TMEM183A: variants seen among roughly 807,000 people sequenced by gnomAD.
TMEM183A encodes transmembrane protein 183A.
A neutral mutation model predicts 46.7 loss-of-function variants in TMEM183A; 21 were observed. The ratio of observed to expected loss-of-function variants is 0.45; its 90% CI spans 0.32 to 0.65. The LOEUF is 0.65. Among genes scored for constraint, TMEM183A ranks in the 30% least tolerant of loss-of-function variants. The probability of loss-of-function intolerance (pLI) is 0.04; values close to 1 mark genes in which losing one functional copy is unlikely to be tolerated. For synonymous variants in TMEM183A, 165 were observed against 180.2 expected (o/e 0.92, Z 0.68); for missense variants, 331 against 481.9 (o/e 0.69, Z 2.93).
chr1:203,020,574 C>T (rs1231564840), intron 6 of TMEM183A, among the ~76,000 whole-genome samples: 1 of 152,142 alleles, frequency 6.6e-6, no homozygotes, highest in Non-Finnish European at 1.5e-5. Flanking sequence ...ACCATCTAAA[C>T]GAAGCATAAA....
chr1:203,011,792 G>A (rs1656619218), intron 3 of TMEM183A, among the ~76,000 whole-genome samples: 1 of 151,470 alleles, frequency 6.6e-6, no homozygotes, highest in African/African-American at 2.4e-5. Flanking sequence ...TGGCTTACAG[G>A]CACTTAACCA....
Position 203,014,816 on chromosome 1 carries a change from G to T in TMEM183A, c.368-73G>T, listed in dbSNP as rs149155170. ...TTTCTTAACTGTGCAATCAATCCTT[G>T]GGAGAAATGAAATTATCGAGTATCT... On this transcript the variant is annotated intron_variant, in intron 3 of 7. Coordinates refer to ENST00000367242, the MANE Select transcript of TMEM183A (RefSeq NM_138391.6). 3.2e-6 allele frequency: 5 copies of T among 1,570,084 alleles called. No individual in the cohort carries two copies. In the Admixed American group the frequency reaches 7.3e-5, roughly 23 times the overall value.
Position 203,020,828 on chromosome 1 carries a change from G to A in TMEM183A, c.825G>A (p.Leu275=), listed in dbSNP as rs201690897. The change falls in exon 7 of 8, where the codon TTG becomes TTA. Residue 275 remains leucine (L), a synonymous_variant. Transcript: ENST00000367242. The part of the protein sequence containing the change: ...PRLKSKCTGG[L]QPPVQYEDVH... Reference sequence around the variant, plus strand: ...TAAAGAGCAAGTGTACAGGAGGATTGCAGCCTCCCGTTCAGTACGAAGATG... The same window carrying A: ...TAAAGAGCAAGTGTACAGGAGGATTACAGCCTCCCGTTCAGTACGAAGATG... 2.5e-6 allele frequency: 4 copies of A among 1,613,950 alleles called. No homozygotes were observed. The East Asian group carries it at 8.9e-5, about 36-fold the overall frequency.
chr1:203,015,901 C>G (rs985845559), intron 4 of TMEM183A, 59 bp from the exon 5 acceptor site: 1 of 1,572,300 alleles, frequency 6.4e-7, no homozygotes, highest in African/African-American at 1.4e-5. Context: ...TCTTAGAAAA[C>G]TGACCTAGAG....
chr1:203,008,146 A>T (rs1656165312), intron 2 of TMEM183A, among the ~76,000 whole-genome samples: 1 of 152,032 alleles, frequency 6.6e-6, no homozygotes, highest in Non-Finnish European at 1.5e-5. Context: ...CACATGTTTT[A>T]CTCTGCAGTT....
Position 203,020,794 on chromosome 1 carries a change from C to T in TMEM183A, c.791C>T (p.Ser264Phe), listed in dbSNP as rs760459810. Residue 264 changes from serine to phenylalanine, a missense_variant and splice_region_variant, in exon 7 of 8, where the codon TCC becomes TTC. By Grantham distance (155) the Ser-to-Phe change is radical. This residue lies in a region of TMEM183A where 233 missense variants were observed against 385.8 expected (regional missense o/e 0.60). Transcript: ENST00000367242. ...GGATTAATTCTCAGTTCTCTTCAGT[C>T]CCCTAGGTTAAAGAGCAAGTGTACA... ...WEFNFKFKKQ[S>F]PRLKSKCTGG... 3.1e-6 allele frequency: 5 copies of T among 1,613,784 alleles called. No homozygotes were observed. Among genetic ancestry groups the T allele is most frequent in the Non-Finnish European group, 4.2e-6 (5 of 1,179,824 alleles).
intron 1 of TMEM183A, 55 bp downstream of exon 1, chr1:203,007,629 G>T (rs577778026): frequency 6.5e-7 from 1 of 1,530,616 alleles, no homozygotes; most frequent in African/African-American, 1.4e-5. Context: ...GGCTGGGAGG[G>T]GGCTGGACCG....
rs1379262925 is a variant in TMEM183A at position 203,007,438 on chromosome 1, T to G, written c.-28T>G. 5 of 1,399,160 alleles carry G rather than the reference T, an allele frequency of 3.6e-6. No individual in the cohort carries two copies. In the South Asian group the frequency reaches 5.8e-5, roughly 16 times the overall value. The allele number at this position is 1,399,160 out of a possible 1,614,324, so 86.7% of individuals were successfully genotyped here. A position where few individuals can be genotyped will look rare whatever the true frequency, so the allele number is the denominator to read the frequency against. ...GAGCCGGGCGGAGCTGGCTTGCGGC[T>G]CCCGGGGCCGGCTCTCCGGCCGGAG... On this transcript the variant is annotated 5_prime_UTR_variant, in exon 1 of 8. Coordinates refer to ENST00000367242, the MANE Select transcript of TMEM183A (RefSeq NM_138391.6).
intron 7 of TMEM183A, 75 bp from the exon 8 acceptor site, chr1:203,022,780 C>G (rs1657821836): frequency 1.9e-5 from 30 of 1,590,206 alleles, no homozygotes; most frequent in Non-Finnish European, 2.6e-5. Flanking sequence ...TTAGTCTGGA[C>G]TATTTCATTT....
intron 3 of TMEM183A, among the ~76,000 whole-genome samples, chr1:203,012,901 T>C (rs868337790): frequency 2.0e-5 from 3 of 152,134 alleles, no homozygotes; most frequent in African/African-American, 7.2e-5. Flanking sequence ...GGCTAATTTT[T>C]AAGTTTTTTG....
At position 203,024,079 on chromosome 1, in the gene TMEM183A, T is replaced by G. The variant is rs968141353; in HGVS notation, c.*1039T>G. 1.3e-5 allele frequency: 2 copies of G among 152,202 alleles called. No individual in the cohort carries two copies. The highest frequency in any genetic ancestry group is 4.8e-5 in the African/African-American group (2 of 41,446). 9.4% of individuals were successfully genotyped at this position (152,202 alleles called of 1,614,324 possible). On this transcript the variant is annotated 3_prime_UTR_variant, in exon 8 of 8. Transcript: ENST00000367242. ...GGATAGTGACCCTTTCCTTGAACTGTTAGAAGGGCATTTATTAGGCTAAAA... is the reference window on the plus strand; with the variant it reads ...GGATAGTGACCCTTTCCTTGAACTGGTAGAAGGGCATTTATTAGGCTAAAA...
chr1:203,022,717 AAG>A (rs1052624393), intron 7 of TMEM183A, 136 bp from the exon 8 acceptor site: 1 of 1,251,998 alleles, frequency 8.0e-7, no homozygotes, highest in Non-Finnish European at 1.1e-6. Flanking sequence ...AAAAAAAAAA[AAG>A]GTGTTTGTTT....
rs1193900815 is a variant in TMEM183A at position 203,022,931 on chromosome 1, G to T, written c.1022G>T (p.Gly341Val). The T allele has an allele frequency of 1.9e-6, 3 of 1,613,106 alleles. No individual in the cohort carries two copies. Among genetic ancestry groups the T allele is most frequent in the Non-Finnish European group, 2.5e-6 (3 of 1,179,712 alleles). The change falls in exon 8 of 8, where the codon GGT (glycine) becomes GTT (valine). Residue 341 changes from glycine to valine, a missense_variant. By Grantham distance (109) the Gly-to-Val change is moderately radical (BLOSUM62 -3). Around this residue, in one of 2 missense-constraint regions of TMEM183A, gnomAD observed 233 missense variants for 385.8 expected, o/e 0.60. Transcript: ENST00000367242. ...LVFQDSPVHG[G>V]RKLRSEQGVQ... Reference sequence around the variant, plus strand: ...TTCCAAGATTCCCCTGTCCATGGTGGTCGGAAACTGCGCAGTGAACAGGGT... The same window carrying T: ...TTCCAAGATTCCCCTGTCCATGGTGTTCGGAAACTGCGCAGTGAACAGGGT...
chr1:203,015,874 C>G, intron 4 of TMEM183A, 86 bp from the exon 5 acceptor site: 1 of 1,521,164 alleles, frequency 6.6e-7, no homozygotes, highest in Non-Finnish European at 8.9e-7. Flanking sequence ...CAGTAAAGTT[C>G]ATACAGAGAC....
chr1:203,008,403 C>T (rs1470213168), intron 2 of TMEM183A, among the ~76,000 whole-genome samples: 2 of 148,664 alleles, frequency 1.3e-5, no homozygotes, highest in African/African-American at 5.0e-5. Flanking sequence ...TTCTTCAGGG[C>T]TGAAAAAAGG....
rs1217753470 is a variant in TMEM183A, at chr1:203,007,401, G to A, written c.-65G>A. 1.5e-6 allele frequency: 2 copies of A among 1,329,578 alleles called. No homozygotes were observed. Among genetic ancestry groups the A allele is most frequent in the East Asian group, 6.1e-5 (2 of 33,008 alleles). The allele number at this position is 1,329,578 out of a possible 1,614,324, so 82.4% of individuals were successfully genotyped here. Reference sequence around the variant, plus strand: ...CGCGAGAGTTAGCGGCCTCCGGTGTGGGATGGCCGCGGAGCCGGGCGGAGC... The same window carrying A: ...CGCGAGAGTTAGCGGCCTCCGGTGTAGGATGGCCGCGGAGCCGGGCGGAGC... On this transcript the variant is annotated 5_prime_UTR_variant, in exon 1 of 8. Coordinates refer to ENST00000367242, the MANE Select transcript of TMEM183A (RefSeq NM_138391.6).
chr1:203,008,255 G>A (rs1656181105), intron 2 of TMEM183A, among the ~76,000 whole-genome samples: 1 of 152,058 alleles, frequency 6.6e-6, no homozygotes, highest in African/African-American at 2.4e-5. Flanking sequence ...TGTGTTTTAT[G>A]ACACCTACTG....
intron 4 of TMEM183A, chr1:203,015,307 G>T: frequency 2.0e-6 from 1 of 509,258 alleles, no homozygotes; most frequent in Non-Finnish European, 3.4e-6. Context: ...TCAAGTCCCA[G>T]ATAGAAGAGT....
At chr1:203,017,725 C>T (rs1571618076) in intron 5 of TMEM183A, 14 of 985,834 alleles carry the variant, frequency 1.4e-5, no homozygotes, top group African/African-American at 8.7e-5. Flanking sequence ...TCTAGCTTTT[C>T]GTATTTGATT....
Sources: allele counts gnomAD v4.1 joint callset (sites outside exome capture counted in the v4.1 genomes callset), GRCh38; gene constraint gnomAD v4.1.1; regional missense constraint gnomAD v4.1.1; transcripts MANE v1.5; gene names NCBI Gene and HGNC (gene_info 2026-07-23, HGNC 2026-07-21).